CNTN5: variants seen among roughly 807,000 people sequenced by gnomAD.
CNTN5 encodes the protein contactin 5.
Under a neutral mutation model 129.1 loss-of-function variants are expected in CNTN5, and 77 were observed. The ratio of observed to expected loss-of-function variants is 0.60; its 90% CI spans 0.50 to 0.72. The LOEUF (loss-of-function observed/expected upper bound fraction) is 0.72. Among genes scored for constraint, CNTN5 ranks in the 30% least tolerant of loss-of-function variants. CNTN5 has a pLI of 0.00. For synonymous variants in CNTN5, 509 were observed against 465.6 expected (o/e 1.09, Z -1.20); for missense variants, 1,478 against 1,328.8 (o/e 1.11, Z -1.75).
intron 1 of CNTN5, among the ~76,000 whole-genome samples, chr11:99,211,322 C>G (rs1859771701): frequency 6.6e-6 from 1 of 152,036 alleles, no homozygotes; most frequent in South Asian, 2.1e-4. Context: ...GTTTGTTTTG[C>G]TATACTATGT....
intron 7 of CNTN5, among the ~76,000 whole-genome samples, chr11:99,952,992 C>A (rs1410028914): frequency 6.6e-6 from 1 of 152,164 alleles, no homozygotes; most frequent in Non-Finnish European, 1.5e-5. Context: ...TCTCCAAATT[C>A]TTTGACCCAA....
intron 3 of CNTN5, among the ~76,000 whole-genome samples, chr11:99,620,038 C>CCAAAAAGAAAA (rs1950889696): frequency 1.3e-5 from 1 of 77,674 alleles, no homozygotes; most frequent in African/African-American, 4.0e-5. Context: ...AAAAAAAAAA[C>CCAAAAAGAAAA]AAAAAACAAA....
chr11:99,622,725 G>C (rs560498695), intron 3 of CNTN5, among the ~76,000 whole-genome samples: 6 of 151,898 alleles, frequency 4.0e-5, no homozygotes, highest in African/African-American at 1.5e-4. Flanking sequence ...TTATAGCATT[G>C]ATTATTCAAT....
intron 9 of CNTN5, among the ~76,000 whole-genome samples, chr11:100,020,810 A>G (rs114331421): frequency 0.022 from 3,342 of 152,236 alleles, 48 homozygotes; most frequent in African/African-American, 0.041. Context: ...TTAAAAATAA[A>G]TCCATTTACA....
intron 13 of CNTN5, among the ~76,000 whole-genome samples, chr11:100,143,937 C>A (rs1276747869): frequency 6.6e-6 from 1 of 152,098 alleles, no homozygotes; most frequent in Non-Finnish European, 1.5e-5. Context: ...CCAGATGATT[C>A]TCATTTTAGT....
chr11:99,401,750 A>G (rs1941821059), intron 2 of CNTN5, among the ~76,000 whole-genome samples: 1 of 152,044 alleles, frequency 6.6e-6, no homozygotes. Flanking sequence ...GTCCTCTTCA[A>G]TTCTTTCATC....
At chr11:99,170,097 T>G (rs1237605765) in intron 1 of CNTN5, among the ~76,000 whole-genome samples, 1 of 152,170 alleles carries the variant, frequency 6.6e-6, no homozygotes, top group Non-Finnish European at 1.5e-5. Context: ...TATTTGTTTA[T>G]TTTGCATGTT....
intron 9 of CNTN5, among the ~76,000 whole-genome samples, chr11:100,055,658 G>A (rs1943188536): frequency 6.6e-6 from 1 of 151,550 alleles, no homozygotes; most frequent in South Asian, 2.1e-4. Context: ...AAAGCCAGTA[G>A]ACATGCTAAT....
chr11:99,761,240 T>G (rs1035352976), intron 3 of CNTN5, among the ~76,000 whole-genome samples: 1 of 152,024 alleles, frequency 6.6e-6, no homozygotes, highest in African/African-American at 2.4e-5. Flanking sequence ...AGGTAAAGTT[T>G]CTGTATTAGT....
intron 2 of CNTN5, among the ~76,000 whole-genome samples, chr11:99,471,331 G>A (rs1262626433): frequency 6.6e-6 from 1 of 151,906 alleles, no homozygotes; most frequent in Non-Finnish European, 1.5e-5. Context: ...GGAATCACAG[G>A]TATGTTTTAA....
At chr11:99,349,736 A>G (rs538275520) in intron 2 of CNTN5, among the ~76,000 whole-genome samples, 66 of 152,178 alleles carry the variant, frequency 4.3e-4, no homozygotes, top group Admixed American at 1.1e-3. Context: ...TGATAAACTC[A>G]TTTAAGAACA....
Position 99,201,714 on chromosome 11 carries a change from G to A in CNTN5, c.-209-123632G>A, listed in dbSNP as rs1859218739. On this transcript the variant is annotated intron_variant, in intron 1 of 24. Transcript: ENST00000524871. ...AGTCAAATAAAGATGTAACTATGGAGGAAAGGCACAGAGGATTCAACACTG... is the reference window on the plus strand; with the variant it reads ...AGTCAAATAAAGATGTAACTATGGAAGAAAGGCACAGAGGATTCAACACTG... 2.6e-5 allele frequency among the ~76,000 whole-genome samples: 4 copies of A among 152,222 alleles called. 1 individual carries two copies. The highest frequency in any genetic ancestry group is 1.3e-4 in the Admixed American group (2 of 15,284).
At chr11:99,722,987 T>G (rs1418257986) in intron 3 of CNTN5, among the ~76,000 whole-genome samples, 4 of 152,060 alleles carry the variant, frequency 2.6e-5, no homozygotes, top group Non-Finnish European at 5.9e-5. Context: ...TAAACCAGTT[T>G]CCAACAACAC....
At chr11:99,662,162 G>A (rs1952617360) in intron 3 of CNTN5, among the ~76,000 whole-genome samples, 2 of 152,038 alleles carry the variant, frequency 1.3e-5, no homozygotes, top group South Asian at 2.1e-4. Context: ...ATACTTAAAA[G>A]TGTTTAAACT....
rs191791616 is a variant in CNTN5, at chr11:99,422,085, G to A, written c.-71+96601G>A. On this transcript the variant is annotated intron_variant, in intron 2 of 24. Transcript: ENST00000524871. ...GTCATCAGAGCAATCAAGTCAGTGA[G>A]AGGCGGAAATCTAGAGTAGGAAAGG... 3.3e-5 allele frequency among the ~76,000 whole-genome samples: 5 copies of A among 152,212 alleles called. No homozygotes were observed. The East Asian group carries it at 9.7e-4, about 29-fold the overall frequency.
In CNTN5 at chr11:99,313,409, G is replaced by A. The variant is rs77234461; in HGVS notation, c.-209-11937G>A. Among the ~76,000 whole-genome samples, 719 of 152,062 alleles carry A rather than the reference G, an allele frequency of 4.7e-3. 2 individuals are homozygous for A. The highest frequency in any genetic ancestry group is 0.016 in the African/African-American group (670 of 41,514). On this transcript the variant is annotated intron_variant, in intron 1 of 24. Transcript: ENST00000524871. ...TGAATTTTTAATTTTAAGAACAAAT[G>A]CCCATCCACTAACTTATTCTAGACT...
intron 17 of CNTN5, among the ~76,000 whole-genome samples, chr11:100,258,228 A>G (rs190583395): frequency 6.6e-6 from 1 of 152,298 alleles, no homozygotes; most frequent in East Asian, 1.9e-4. Context: ...TGTGAAGACA[A>G]GATTAGAGAA....
At chr11:99,524,131 A>G (rs539742762) in intron 2 of CNTN5, among the ~76,000 whole-genome samples, 32 of 152,304 alleles carry the variant, frequency 2.1e-4, no homozygotes, top group African/African-American at 7.5e-4. Context: ...AGAAATAGAC[A>G]ATTTATGGCT....
At chr11:99,352,162 T>C (rs1938342432) in intron 2 of CNTN5, among the ~76,000 whole-genome samples, 2 of 152,234 alleles carry the variant, frequency 1.3e-5, no homozygotes, top group South Asian at 4.1e-4. Context: ...TCCAGGAATA[T>C]GAATAGACCT....
Sources: gnomAD v4.1 joint callset for allele counts (sites outside exome capture counted in the v4.1 genomes callset) on GRCh38, gnomAD v4.1.1 for gene constraint, MANE v1.5 for transcripts, NCBI Gene and HGNC (gene_info 2026-07-23, HGNC 2026-07-21) for gene names.